The following TDRD1 variants were observed in gnomAD, a reference collection of about 807,000 sequenced individuals.
TDRD1 encodes tudor domain-containing protein 1.
A neutral mutation model predicts 140.6 loss-of-function variants in TDRD1; 37 were observed. The observed-to-expected ratio is 0.26, with a 90% CI of 0.20 to 0.35. The LOEUF is 0.35. Among genes scored for constraint, TDRD1 ranks in the 10% least tolerant of loss-of-function variants. The pLI is 1.00. For synonymous variants in TDRD1, 506 were observed against 475.7 expected (o/e 1.06, Z -0.83); for missense variants, 1,243 against 1,393.0 (o/e 0.89, Z 1.71).
At position 114,190,105 on chromosome 10, in the gene TDRD1, C is replaced by T. The variant is rs539279805; in HGVS notation, c.326-856C>T. On this transcript the variant is annotated intron_variant, in intron 2 of 25. Transcript: ENST00000251864. ...GAGGCCAAACTTTTTTTTTCAGATA[C>T]CAAAACCAGAAGCAACATTTCACTG... is the stretch of plus-strand genomic sequence containing the variant. 2.0e-5 allele frequency among the ~76,000 whole-genome samples: 3 copies of T among 152,096 alleles called. No homozygotes were observed. In the South Asian group the frequency reaches 6.2e-4, roughly 32 times the overall value.
intron 13 of TDRD1, among the ~76,000 whole-genome samples, 171 bp from the exon 14 acceptor site, chr10:114,211,695 A>G (rs1320053502): frequency 1.3e-5 from 2 of 152,218 alleles, no homozygotes; most frequent in African/African-American, 4.8e-5. Flanking sequence ...TTAATATTAC[A>G]TTTTAGGAGT....
intron 2 of TDRD1, among the ~76,000 whole-genome samples, chr10:114,190,680 G>C (rs1490268261): frequency 1.3e-5 from 2 of 152,078 alleles, no homozygotes; most frequent in Non-Finnish European, 2.9e-5. Context: ...TAGAGACGGG[G>C]TTTCACCATG....
chr10:114,197,407 T>C (rs1230544790), intron 3 of TDRD1, among the ~76,000 whole-genome samples: 1 of 152,228 alleles, frequency 6.6e-6, no homozygotes, highest in Non-Finnish European at 1.5e-5. Context: ...AAAATACTCA[T>C]TTGGTTCTTT....
intron 4 of TDRD1, among the ~76,000 whole-genome samples, chr10:114,200,963 C>T (rs1564944643): frequency 2.0e-5 from 3 of 149,624 alleles, no homozygotes; most frequent in Admixed American, 1.4e-4. Flanking sequence ...TCGAGATTCT[C>T]CTGCTTCAGC....
chr10:114,186,715 C>T (rs1412259040), intron 1 of TDRD1, among the ~76,000 whole-genome samples: 1 of 152,200 alleles, frequency 6.6e-6, no homozygotes, highest in Non-Finnish European at 1.5e-5. Flanking sequence ...TGCCCACCTG[C>T]AGTCATTCTG....
At chr10:114,206,859 G>A (rs369343872) in intron 11 of TDRD1, among the ~76,000 whole-genome samples, 2 of 151,924 alleles carry the variant, frequency 1.3e-5, no homozygotes, top group African/African-American at 2.4e-5. Flanking sequence ...AGAGTGATTC[G>A]CCCGCCTCAG....
At chr10:114,214,702 T>G (rs2035698277) in intron 16 of TDRD1, among the ~76,000 whole-genome samples, 1 of 151,710 alleles carries the variant, frequency 6.6e-6, no homozygotes, top group South Asian at 2.1e-4. Context: ...GAAGTTTCCC[T>G]CCTATCCCCT....
intron 3 of TDRD1, among the ~76,000 whole-genome samples, chr10:114,192,571 G>T (rs1195580714): frequency 1.3e-5 from 2 of 152,140 alleles, no homozygotes; most frequent in African/African-American, 4.8e-5. Flanking sequence ...CTCGCAAAGT[G>T]CTAGGATTAC....
chr10:114,220,631 C>G, exon 19 of TDRD1: 1 of 1,613,236 alleles, frequency 6.2e-7, no homozygotes, highest in East Asian at 2.2e-5. Flanking sequence ...ATGTGTGTTG[C>G]TGGGATAAAA....
At chr10:114,208,930 C>A (rs920893649) in intron 11 of TDRD1, among the ~76,000 whole-genome samples, 3 of 152,098 alleles carry the variant, frequency 2.0e-5, no homozygotes, top group Admixed American at 6.5e-5. Flanking sequence ...GGGAGCTGCA[C>A]GCCACCATGC....
intron 25 of TDRD1, chr10:114,228,417 G>A (rs2036565752): frequency 9.1e-7 from 1 of 1,102,230 alleles, no homozygotes; most frequent in African/African-American, 1.6e-5. Flanking sequence ...TATGTGGAGG[G>A]ACTTGTAAAA....
At chr10:114,213,451 A>G (rs2035614922) in exon 15 of TDRD1, 1 of 1,614,082 alleles carries the variant, frequency 6.2e-7, no homozygotes. Flanking sequence ...AAGTTGGAAA[A>G]CAGTTCCCTG....
At position 114,202,559 on chromosome 10, in the gene TDRD1, T is replaced by C. The variant is rs2034824475; in HGVS notation, c.696+261T>C. 2.0e-5 allele frequency among the ~76,000 whole-genome samples: 3 copies of C among 152,350 alleles called. 1 individual carries two copies. The highest frequency in any genetic ancestry group is 6.5e-5 in the Admixed American group (1 of 15,310). On this transcript the variant is annotated intron_variant, in intron 6 of 25. Coordinates refer to ENST00000251864, the Ensembl canonical transcript of TDRD1. ...TGAAGGCACAGGTTTTAGCTTTATGTGCTGTACTCTAATAGGGCCTAGTTA... is the reference window on the plus strand; with the variant it reads ...TGAAGGCACAGGTTTTAGCTTTATGCGCTGTACTCTAATAGGGCCTAGTTA...
chr10:114,174,943 G>A (rs1363236537), upstream of TDRD1, among the ~76,000 whole-genome samples: 2 of 152,196 alleles, frequency 1.3e-5, no homozygotes, highest in Non-Finnish European at 2.9e-5. Context: ...TCAGTCCGGG[G>A]AAACGATGTT....
At chr10:114,191,289 T>G (rs1371338955) in intron 3 of TDRD1, among the ~76,000 whole-genome samples, 3 of 152,218 alleles carry the variant, frequency 2.0e-5, no homozygotes, top group Non-Finnish European at 4.4e-5. Flanking sequence ...ACTGGGTTAT[T>G]GATACACCAT....
intron 14 of TDRD1, among the ~76,000 whole-genome samples, chr10:114,212,615 T>A (rs2035557486): frequency 6.6e-6 from 1 of 152,208 alleles, no homozygotes; most frequent in Non-Finnish European, 1.5e-5. Context: ...ACTTGGCCCT[T>A]GCATTTCGTA....
exon 16 of TDRD1, chr10:114,214,042 C>G: frequency 6.2e-7 from 1 of 1,613,194 alleles, no homozygotes; most frequent in Non-Finnish European, 8.5e-7. Context: ...TGGTGTTGAC[C>G]AAACAGTAGA....
At position 114,210,850 on chromosome 10, in the gene TDRD1, T is replaced by C; in HGVS notation, c.1553-10T>C. ...TACGTATTTCTTTAAGATGTGATCT[T>C]TATCTGCAGGAAAGCTTGCTGAACT... On this transcript the variant is annotated splice_polypyrimidine_tract_variant and intron_variant, in intron 12 of 25. Transcript: ENST00000251864. 6.2e-7 allele frequency: 1 copy of C among 1,614,028 alleles called. No individual in the cohort carries two copies. Among genetic ancestry groups the C allele is most frequent in the South Asian group, 1.1e-5 (1 of 91,084 alleles).
chr10:114,214,211 TCCAA>T, intron 16 of TDRD1, 97 bp downstream of exon 16: 3 of 1,065,760 alleles, frequency 2.8e-6, no homozygotes, highest in Non-Finnish European at 4.1e-6. Context: ...AGTACCTCTT[TCCAA>T]GAAGAGCCAA....
Sources: allele counts gnomAD v4.1 joint callset (sites outside exome capture counted in the v4.1 genomes callset), GRCh38; gene constraint gnomAD v4.1.1; transcripts MANE v1.5; gene names NCBI Gene and HGNC (gene_info 2026-07-23, HGNC 2026-07-21).